The following NBAS variants were observed in gnomAD, a reference collection of about 807,000 sequenced individuals.
The protein encoded by NBAS is NAG/BC035112 fusion.
In NBAS, 219 loss-of-function variants were observed where a neutral mutation model predicts 302.5. The observed-to-expected ratio is 0.72, with a 90% CI of 0.65 to 0.81. The LOEUF is 0.81. NBAS is among the 30% of genes least tolerant of loss of function. The pLI, the probability that NBAS is intolerant of heterozygous loss-of-function variation, is 0.00. For synonymous variants in NBAS, 1,118 were observed against 1,021.6 expected (o/e 1.09, Z -1.80); for missense variants, 2,932 against 2,841.6 (o/e 1.03, Z -0.72).
intron 44 of NBAS, among the ~76,000 whole-genome samples, chr2:15,244,975 A>T (rs962338614): frequency 1.3e-5 from 2 of 151,484 alleles, no homozygotes; most frequent in African/African-American, 4.9e-5. Context: ...TTCCAGTCCC[A>T]CTCCTTCTCC....
chr2:15,421,422 T>C (rs902830906), intron 23 of NBAS, among the ~76,000 whole-genome samples: 2 of 152,182 alleles, frequency 1.3e-5, no homozygotes, highest in Non-Finnish European at 2.9e-5. Context: ...TTATATCATA[T>C]ACCCTAGGTC....
intron 38 of NBAS, among the ~76,000 whole-genome samples, chr2:15,320,969 G>T (rs1376379768): frequency 6.6e-6 from 1 of 152,166 alleles, no homozygotes; most frequent in Non-Finnish European, 1.5e-5. Flanking sequence ...AAAGCTGGAA[G>T]CATTACGTTA....
chr2:15,209,400 C>T (rs1173048477), intron 48 of NBAS, among the ~76,000 whole-genome samples: 1 of 151,888 alleles, frequency 6.6e-6, no homozygotes, highest in Non-Finnish European at 1.5e-5. Context: ...CCAACTATTC[C>T]AAACAATAGA....
At chr2:15,158,381 A>G in the NBAS span, among the ~76,000 whole-genome samples, 1 of 152,130 alleles carries the variant, frequency 6.6e-6, no homozygotes, top group Non-Finnish European at 1.5e-5. Context: ...GAGGCCTCCT[A>G]ATGCCAGCAG....
At chr2:15,192,236 T>A (rs968877021) in intron 48 of NBAS, among the ~76,000 whole-genome samples, 4 of 96,624 alleles carry the variant, frequency 4.1e-5, no homozygotes, top group Admixed American at 1.4e-4. Flanking sequence ...AAGAGGCTAT[T>A]TTTTTTTTTT....
the NBAS span, among the ~76,000 whole-genome samples, chr2:15,052,462 C>T: frequency 5.3e-5 from 8 of 152,276 alleles, no homozygotes; most frequent in South Asian, 4.1e-4. Context: ...TAGGCTGGCA[C>T]GATGACCTGG....
intron 36 of NBAS, 69 bp downstream of exon 36, chr2:15,330,529 A>G: frequency 6.3e-7 from 1 of 1,592,294 alleles, no homozygotes; most frequent in Admixed American, 1.7e-5. Context: ...AGTGAAAACA[A>G]CTGAAACATT....
At chr2:15,389,111 G>A (rs973477559) in intron 28 of NBAS, among the ~76,000 whole-genome samples, 1 of 152,150 alleles carries the variant, frequency 6.6e-6, no homozygotes, top group African/African-American at 2.4e-5. Context: ...CCTTAGTTAT[G>A]CTGGAAGTGT....
chr2:15,124,053 G>A, the NBAS span, among the ~76,000 whole-genome samples: 1 of 152,202 alleles, frequency 6.6e-6, no homozygotes, highest in African/African-American at 2.4e-5. Context: ...GATATGGACG[G>A]TGAATTCCAG....
chr2:15,172,449 T>A (rs1664343426), intron 51 of NBAS, among the ~76,000 whole-genome samples: 1 of 152,208 alleles, frequency 6.6e-6, no homozygotes, highest in Non-Finnish European at 1.5e-5. Context: ...GTTTCGGTTG[T>A]TTTTTGTTGT....
chr2:15,069,775 C>G, the NBAS span, among the ~76,000 whole-genome samples: 1 of 152,138 alleles, frequency 6.6e-6, no homozygotes, highest in Non-Finnish European at 1.5e-5. Context: ...ATAACAGCAT[C>G]TACTTAAAAC....
At chr2:14,844,801 G>A in the NBAS span, among the ~76,000 whole-genome samples, 2 of 152,164 alleles carry the variant, frequency 1.3e-5, no homozygotes, top group Admixed American at 6.5e-5. Context: ...GGGGGCCATA[G>A]GATGAGGCTT....
chr2:15,364,854 C>A (rs1475982855), intron 32 of NBAS, among the ~76,000 whole-genome samples: 1 of 152,100 alleles, frequency 6.6e-6, no homozygotes. Context: ...TTGGGAAAAT[C>A]TCTTTTCTCT....
chr2:15,039,227 G>A, the NBAS span, among the ~76,000 whole-genome samples: 1 of 152,208 alleles, frequency 6.6e-6, no homozygotes. Flanking sequence ...GATGTCATCA[G>A]TGAAAGCCAA....
the NBAS span, among the ~76,000 whole-genome samples, chr2:15,106,217 CTTTTCAAAAGCTCAGTTT>C: frequency 0.03 from 4,635 of 152,134 alleles, 160 homozygotes; most frequent in Admixed American, 0.094. Flanking sequence ...CTTAGGAGAG[CTTTTCAAAAGCTCAGTTT>C]TTCCTTTTAT....
chr2:15,316,665 C>G (rs1010330674), intron 38 of NBAS, among the ~76,000 whole-genome samples: 2 of 152,192 alleles, frequency 1.3e-5, no homozygotes, highest in Non-Finnish European at 2.9e-5. Flanking sequence ...AGCAGCCTGG[C>G]TGGGGGAGGG....
the NBAS span, among the ~76,000 whole-genome samples, chr2:14,810,870 TA>T: frequency 2.6e-5 from 4 of 151,690 alleles, no homozygotes; most frequent in African/African-American, 4.8e-5. Context: ...ATTCTGACTT[TA>T]AAAAAAAATC....
chr2:15,543,711 A>C (rs998397022), intron 6 of NBAS, among the ~76,000 whole-genome samples: 1 of 152,206 alleles, frequency 6.6e-6, no homozygotes, highest in African/African-American at 2.4e-5. Context: ...CAAGAACAAT[A>C]TGGGTGAAAC....
chr2:14,862,821 A>G, the NBAS span, among the ~76,000 whole-genome samples: 15 of 152,292 alleles, frequency 9.8e-5, no homozygotes, highest in East Asian at 3.9e-4. Context: ...ACACAACCCA[A>G]TGGCAGCCTT....
Sources: allele counts gnomAD v4.1 joint callset (sites outside exome capture counted in the v4.1 genomes callset), GRCh38; gene constraint gnomAD v4.1.1; transcripts MANE v1.5; gene names NCBI Gene and HGNC (gene_info 2026-07-23, HGNC 2026-07-21).